ALMS1: variants seen among roughly 807,000 people sequenced by gnomAD.
ALMS1 encodes the protein centrosome-associated protein ALMS1.
Under a neutral mutation model 352.2 loss-of-function variants are expected in ALMS1, and 271 were observed. The ratio of observed to expected loss-of-function variants is 0.77; its 90% confidence interval spans 0.70 to 0.85. The LOEUF is 0.85. Ranked by LOEUF, ALMS1 falls within the 40% of genes least tolerant of loss-of-function variation. The pLI is 0.00. For missense variants in ALMS1, 5,445 were observed against 4,870.7 expected, an observed-to-expected ratio of 1.12 and a Z score of -3.51; for synonymous variants, 1,865 against 1,761.2, an observed-to-expected ratio of 1.06 and a Z score of -1.48.
At position 73,447,943 on chromosome 2, in the gene ALMS1, A is replaced by G; in HGVS notation, c.1433-17A>G. On this transcript the variant is annotated splice_polypyrimidine_tract_variant and intron_variant, in intron 7 of 22. Transcript: ENST00000613296. ...TAGAAAATTTTATATACTATTAACA[A>G]ATCTCTTTTTCTTTAGGAGACACTT... is the stretch of plus-strand genomic sequence containing the variant. 6.3e-7 allele frequency: 1 copy of G among 1,595,624 alleles called. No homozygotes were observed. Among genetic ancestry groups the G allele is most frequent in the Non-Finnish European group, 8.5e-7 (1 of 1,170,816 alleles).
At chr2:73,386,588 T>C (rs1670539432) in intron 1 of ALMS1, among the ~76,000 whole-genome samples, 1 of 152,120 alleles carries the variant, frequency 6.6e-6, no homozygotes. Context: ...TGAGCTTGAC[T>C]GAATTGCAGG....
chr2:73,475,995 C>T (rs186002450), intron 9 of ALMS1, among the ~76,000 whole-genome samples: 1 of 151,998 alleles, frequency 6.6e-6, no homozygotes, highest in African/African-American at 2.4e-5. Context: ...ATCTCTATAG[C>T]TTTTTAAATC....
At chr2:73,543,811 T>A (rs751564021) in intron 12 of ALMS1, among the ~76,000 whole-genome samples, 2 of 152,040 alleles carry the variant, frequency 1.3e-5, no homozygotes, top group Non-Finnish European at 2.9e-5. Flanking sequence ...AAAACCACAA[T>A]GAGATACCAT....
chr2:73,487,368 G>A (rs945557058), intron 9 of ALMS1, among the ~76,000 whole-genome samples: 5 of 152,154 alleles, frequency 3.3e-5, no homozygotes, highest in South Asian at 4.2e-4. Flanking sequence ...TGGTGCTGGC[G>A]CCACGCAAGG....
intron 9 of ALMS1, among the ~76,000 whole-genome samples, chr2:73,485,810 G>T (rs1478339699): frequency 6.6e-6 from 1 of 152,192 alleles, no homozygotes; most frequent in Non-Finnish European, 1.5e-5. Flanking sequence ...GAAAAGCGCA[G>T]TATTCGGGTG....
chr2:73,393,570 C>G (rs137920653), intron 1 of ALMS1, among the ~76,000 whole-genome samples: 15 of 152,260 alleles, frequency 9.9e-5, no homozygotes, highest in African/African-American at 3.4e-4. Flanking sequence ...ACACTCCCCA[C>G]CCTTCCAAGA....
At chr2:73,543,874 G>A (rs1015716514) in intron 12 of ALMS1, among the ~76,000 whole-genome samples, 2 of 152,210 alleles carry the variant, frequency 1.3e-5, no homozygotes, top group African/African-American at 4.8e-5. Context: ...AATAGGTGCT[G>A]GAGAGGAGGT....
intron 16 of ALMS1, among the ~76,000 whole-genome samples, chr2:73,586,272 G>GT (rs962433063): frequency 5.3e-5 from 8 of 152,072 alleles, no homozygotes; most frequent in Non-Finnish European, 1.0e-4. Flanking sequence ...ATTTATTTTT[G>GT]TTTTTTGTTG....
intron 10 of ALMS1, among the ~76,000 whole-genome samples, chr2:73,510,756 G>C (rs2103942801): frequency 6.6e-6 from 1 of 152,328 alleles, no homozygotes; most frequent in Non-Finnish European, 1.5e-5. Context: ...TGGGAGATCT[G>C]CTGCTCTATT....
intron 10 of ALMS1, 124 bp downstream of exon 10, chr2:73,491,622 G>A: frequency 9.8e-7 from 1 of 1,017,966 alleles, no homozygotes; most frequent in Non-Finnish European, 1.5e-6. Flanking sequence ...GGTTGTGTCT[G>A]GCTAATTACT....
Position 73,451,323 on chromosome 2 carries a change from T to C in ALMS1, c.4796T>C (p.Ile1599Thr), listed in dbSNP as rs752954090. The C allele has an allele frequency of 2.5e-6, 4 of 1,613,798 alleles. No homozygotes were observed. In the South Asian group the frequency reaches 3.3e-5, roughly 13 times the overall value. The part of the protein sequence containing the change: ...HLPEEALKVS[I>T]VSGPTEKKTD... Reference sequence around the variant, plus strand: ...CCTGAAGAGGCTCTGAAAGTTTCCATTGTTTCTGGACCTACTGAAAAAAAG... The same window carrying C: ...CCTGAAGAGGCTCTGAAAGTTTCCACTGTTTCTGGACCTACTGAAAAAAAG... The change falls in exon 8 of 23, where the codon ATT (isoleucine) becomes ACT (threonine). Residue 1599 changes from isoleucine to threonine, a missense_variant. Ile to Thr is a moderately conservative substitution (Grantham distance 89, BLOSUM62 -1). Coordinates refer to ENST00000613296, the MANE Select transcript of ALMS1 (RefSeq NM_001378454.1).
At chr2:73,432,768 G>A (rs939105603) in intron 7 of ALMS1, among the ~76,000 whole-genome samples, 2 of 152,160 alleles carry the variant, frequency 1.3e-5, no homozygotes, top group East Asian at 3.9e-4. Flanking sequence ...TTTTCAGGGG[G>A]GACACAAACA....
intron 1 of ALMS1, among the ~76,000 whole-genome samples, chr2:73,406,092 C>T (rs1176580250): frequency 6.6e-6 from 1 of 152,110 alleles, no homozygotes; most frequent in Admixed American, 6.6e-5. Context: ...TCATTCTATC[C>T]ATCATGGAAA....
chr2:73,529,655 C>G (rs1240821356), intron 11 of ALMS1, among the ~76,000 whole-genome samples: 3 of 152,176 alleles, frequency 2.0e-5, no homozygotes, highest in African/African-American at 7.2e-5. Context: ...AGCCTAGTAA[C>G]ACTGTGGCTC....
At chr2:73,407,420 A>G (rs1299447564) in intron 1 of ALMS1, among the ~76,000 whole-genome samples, 3 of 152,188 alleles carry the variant, frequency 2.0e-5, no homozygotes, top group Non-Finnish European at 4.4e-5. Flanking sequence ...AGATACTCAA[A>G]TCATAGCATG....
At chr2:73,429,348 C>G (rs1671456654) in intron 6 of ALMS1, among the ~76,000 whole-genome samples, 1 of 139,974 alleles carries the variant, frequency 7.1e-6, no homozygotes, top group Non-Finnish European at 1.5e-5. Flanking sequence ...ATGGCACAAT[C>G]TCAGCTCACT....
chr2:73,545,903 C>T (rs901607590), intron 12 of ALMS1, among the ~76,000 whole-genome samples: 2 of 152,172 alleles, frequency 1.3e-5, no homozygotes, highest in African/African-American at 4.8e-5. Context: ...TTGTAGTCCT[C>T]GTTTGCCTTT....
chr2:73,428,046 T>TA (rs1245125991), intron 6 of ALMS1, among the ~76,000 whole-genome samples: 2 of 152,194 alleles, frequency 1.3e-5, no homozygotes, highest in Admixed American at 6.5e-5. Flanking sequence ...TTATTAAAGT[T>TA]TTTTTAACAC....
chr2:73,401,367 T>C (rs78971161), intron 1 of ALMS1, among the ~76,000 whole-genome samples: 2,476 of 152,328 alleles, frequency 0.016, 67 homozygotes, highest in African/African-American at 0.056. Flanking sequence ...TTCGGTGTTA[T>C]AAATTTCCCA....
Sources: allele counts gnomAD v4.1 joint callset (sites outside exome capture counted in the v4.1 genomes callset), GRCh38; gene constraint gnomAD v4.1.1; transcripts MANE v1.5; gene names NCBI Gene and HGNC (gene_info 2026-07-23, HGNC 2026-07-21).